The following KIRREL3 variants were observed in gnomAD, a reference collection of about 807,000 sequenced individuals.
The protein encoded by KIRREL3 is kin of IRRE-like protein 3.
Under a neutral mutation model 89.7 loss-of-function variants are expected in KIRREL3, and 36 were observed. The ratio of observed to expected loss-of-function variants is 0.40; its 90% CI spans 0.31 to 0.53. The LOEUF (loss-of-function observed/expected upper bound fraction) is 0.53. KIRREL3 is among the 20% of genes least tolerant of loss of function. The pLI, the probability that KIRREL3 is intolerant of heterozygous loss-of-function variation, is 0.49. For synonymous variants in KIRREL3, 445 were observed against 441.4 expected (o/e 1.01, Z -0.10); for missense variants, 864 against 1,056.6 (o/e 0.82, Z 2.53).
chr11:126,793,275 A>T (rs1950703377), intron 1 of KIRREL3, among the ~76,000 whole-genome samples: 1 of 152,190 alleles, frequency 6.6e-6, no homozygotes, highest in Non-Finnish European at 1.5e-5. Context: ...TGTTGTATTC[A>T]CTGGGGACCA....
intron 11 of KIRREL3, among the ~76,000 whole-genome samples, chr11:126,437,539 G>A (rs1955402112): frequency 6.6e-6 from 1 of 151,554 alleles, no homozygotes; most frequent in Admixed American, 6.6e-5. Flanking sequence ...ACACACCAAA[G>A]CACACAACAC....
At chr11:126,488,594 T>G (rs1345682100) in intron 4 of KIRREL3, among the ~76,000 whole-genome samples, 5 of 152,158 alleles carry the variant, frequency 3.3e-5, no homozygotes, top group African/African-American at 9.7e-5. Context: ...AATGCATTTG[T>G]GCAGTGGAAG....
At position 126,624,107 on chromosome 11, in the gene KIRREL3, A is replaced by G. The variant is rs1943684120; in HGVS notation, c.56-61195T>C. 6.6e-6 allele frequency among the ~76,000 whole-genome samples: 1 copy of G among 152,114 alleles called. No homozygotes were observed. Among genetic ancestry groups the G allele is most frequent in the African/African-American group, 2.4e-5 (1 of 41,406 alleles). On this transcript the variant is annotated intron_variant, in intron 1 of 16. Coordinates refer to ENST00000525144, the MANE Select transcript of KIRREL3 (RefSeq NM_032531.4). This position sits in a 1 kb window ranked among gnomAD's most constrained non-coding sequence, Gnocchi z 6.0. Reference sequence around the variant, plus strand: ...ATGGATGTTGATTTAGTGCTTTGAGATCCCTGGAAGACAGGTCAGGCAACT... The same window carrying G: ...ATGGATGTTGATTTAGTGCTTTGAGGTCCCTGGAAGACAGGTCAGGCAACT...
intron 1 of KIRREL3, among the ~76,000 whole-genome samples, chr11:126,941,564 A>G (rs1948447518): frequency 6.6e-6 from 1 of 152,236 alleles, no homozygotes. Context: ...GGCAGCCTAG[A>G]CAATGGGTAT....
intron 1 of KIRREL3, among the ~76,000 whole-genome samples, chr11:126,881,250 C>T (rs546783744): frequency 6.6e-6 from 1 of 152,294 alleles, no homozygotes; most frequent in African/African-American, 2.4e-5. Flanking sequence ...ATGCGACTCC[C>T]CCTCCCCCTC....
intron 2 of KIRREL3, among the ~76,000 whole-genome samples, chr11:126,536,520 CAA>C (rs1005319071): frequency 2.0e-5 from 3 of 151,734 alleles, no homozygotes; most frequent in African/African-American, 7.3e-5. Flanking sequence ...TGGACTAGTA[CAA>C]AGAGTGTGGG....
At position 126,615,599 on chromosome 11, in the gene KIRREL3, C is replaced by CT. The variant is rs1272245914; in HGVS notation, c.56-52688dup. Among the ~76,000 whole-genome samples the CT allele has an allele frequency of 6.6e-6, 1 of 152,084 alleles. No homozygotes were observed. Among genetic ancestry groups the CT allele is most frequent in the East Asian group, 1.9e-4 (1 of 5,164 alleles). ...GAAGATAGACAACCACTTGGGGGAC[C>CT]TAGTTGTGCCATGGCAATAAGTATG... On this transcript the variant is annotated intron_variant, in intron 1 of 16. Transcript: ENST00000525144. This position sits in a 1 kb window ranked among gnomAD's most constrained non-coding sequence, Gnocchi z 5.4.
chr11:126,522,720 T>C lies in KIRREL3; in HGVS notation c.284-1256A>G, dbSNP rs1253822130. ...TTTCTCTTTCCATCCATCTCCTCACTGAGGTCTGCCCTCCCCCGAGTCCCT... is the reference window on the plus strand; with the variant it reads ...TTTCTCTTTCCATCCATCTCCTCACCGAGGTCTGCCCTCCCCCGAGTCCCT... On this transcript the variant is annotated intron_variant, in intron 3 of 16. Transcript: ENST00000525144. The surrounding 1 kb of genome is among the most constrained non-coding windows in gnomAD (Gnocchi z 6.0). Among the ~76,000 whole-genome samples, 1 of 152,192 alleles carries C rather than the reference T, an allele frequency of 6.6e-6. No individual in the cohort carries two copies. The highest frequency in any genetic ancestry group is 1.5e-5 in the Non-Finnish European group (1 of 68,026).
chr11:126,678,983 T>A (rs1007958666), intron 1 of KIRREL3, among the ~76,000 whole-genome samples: 1 of 152,234 alleles, frequency 6.6e-6, no homozygotes, highest in African/African-American at 2.4e-5. Flanking sequence ...GAGCTGAGCA[T>A]TTGGCCAAGT....
chr11:126,568,315 A>T lies in KIRREL3; in HGVS notation c.56-5403T>A, dbSNP rs1410518900. On this transcript the variant is annotated intron_variant, in intron 1 of 16. Transcript: ENST00000525144. This position sits in a 1 kb window ranked among gnomAD's most constrained non-coding sequence, Gnocchi z 4.6. ...GATGGATGGGAGATGAGCTCAGAGA[A>T]GGGAGGCTGGCTGGGAGACCGCTGC... Among the ~76,000 whole-genome samples the T allele has an allele frequency of 6.7e-6, 1 of 150,212 alleles. No individual in the cohort carries two copies. Among genetic ancestry groups the T allele is most frequent in the Non-Finnish European group, 1.5e-5 (1 of 67,034 alleles).
At chr11:126,863,361 GTGTT>G (rs1197307669) in intron 1 of KIRREL3, among the ~76,000 whole-genome samples, 10 of 151,872 alleles carry the variant, frequency 6.6e-5, no homozygotes, top group African/African-American at 1.5e-4. Context: ...ATGTGAGTGT[GTGTT>G]TGAGTGCGTG....
chr11:126,429,727 C>T lies in KIRREL3; in HGVS notation c.1697-439G>A, dbSNP rs1955060389. On this transcript the variant is annotated intron_variant, in intron 14 of 16. Transcript: ENST00000525144. This position sits in a 1 kb window ranked among gnomAD's most constrained non-coding sequence, Gnocchi z 5.2. The stretch of plus-strand genomic sequence containing the variant: ...CCTCAAAGTGCCCATGGCCAACCCC[C>T]ATCCAAAGAGAAACGCCCCTGAGGC... 6.6e-6 allele frequency among the ~76,000 whole-genome samples: 1 copy of T among 152,246 alleles called. No individual in the cohort carries two copies. Among genetic ancestry groups the T allele is most frequent in the South Asian group, 2.1e-4 (1 of 4,832 alleles).
At position 126,495,388 on chromosome 11, in the gene KIRREL3, C is replaced by T. The variant is rs1321758885; in HGVS notation, c.434-21922G>A. The stretch of plus-strand genomic sequence containing the variant: ...CCCTCTCTGCGCCCTACCTCCAGCA[C>T]CCTCTGACCTCCCTGCCTGACCCCA... On this transcript the variant is annotated intron_variant, in intron 4 of 16. Transcript: ENST00000525144. This position sits in a 1 kb window ranked among gnomAD's most constrained non-coding sequence, Gnocchi z 6.5. Among the ~76,000 whole-genome samples the T allele has an allele frequency of 1.3e-5, 2 of 152,174 alleles. No homozygotes were observed. The highest frequency in any genetic ancestry group is 4.8e-5 in the African/African-American group (2 of 41,444).
intron 1 of KIRREL3, among the ~76,000 whole-genome samples, chr11:126,915,055 GAA>G (rs1241824531): frequency 1.3e-5 from 2 of 152,124 alleles, no homozygotes; most frequent in Non-Finnish European, 2.9e-5. Flanking sequence ...GGCTTTGGGA[GAA>G]GAGACTGTTA....
At position 126,694,078 on chromosome 11, in the gene KIRREL3, A is replaced by G. The variant is rs747688930; in HGVS notation, c.56-131166T>C. 1.7e-4 allele frequency among the ~76,000 whole-genome samples: 26 copies of G among 152,366 alleles called. No individual in the cohort carries two copies. Among genetic ancestry groups the G allele is most frequent in the Admixed American group, 3.9e-4 (6 of 15,312 alleles). On this transcript the variant is annotated intron_variant, in intron 1 of 16. Coordinates refer to ENST00000525144, the MANE Select transcript of KIRREL3 (RefSeq NM_032531.4). The surrounding 1 kb of genome is among the most constrained non-coding windows in gnomAD (Gnocchi z 4.4). ...CACAGTCACACTAGGACAACTTGGA[A>G]GTTGAATTGGCAAGTTGCAGCAGGA...
rs920149759 is a variant in KIRREL3, at chr11:126,772,331, C to A, written c.56-209419G>T. On this transcript the variant is annotated intron_variant, in intron 1 of 16. Transcript: ENST00000525144. This position sits in a 1 kb window ranked among gnomAD's most constrained non-coding sequence, Gnocchi z 4.6. ...ACTCTTAAATTCAAGGCAGCTAAGA[C>A]CGGTTCAGGGACAGAGAACAGCAAG... 3.3e-5 allele frequency among the ~76,000 whole-genome samples: 5 copies of A among 152,132 alleles called. 1 individual carries two copies. Among genetic ancestry groups the A allele is most frequent in the African/African-American group, 1.2e-4 (5 of 41,422 alleles).
chr11:126,676,224 C>T lies in KIRREL3; in HGVS notation c.56-113312G>A, dbSNP rs148321112. Among the ~76,000 whole-genome samples the T allele has an allele frequency of 1.5e-4, 23 of 152,178 alleles. No homozygotes were observed. Among genetic ancestry groups the T allele is most frequent in the East Asian group, 1.4e-3 (7 of 5,176 alleles). On this transcript the variant is annotated intron_variant, in intron 1 of 16. Transcript: ENST00000525144. The surrounding 1 kb of genome is among the most constrained non-coding windows in gnomAD (Gnocchi z 4.5). ...AGCATCAAGGTGCTAGTAACTATCA[C>T]GGGCAAAGATGAAATCAGCTAGGAA... is the stretch of plus-strand genomic sequence containing the variant.
intron 1 of KIRREL3, among the ~76,000 whole-genome samples, chr11:126,675,875 C>T (rs1178818603): frequency 6.6e-6 from 1 of 152,010 alleles, no homozygotes; most frequent in African/African-American, 2.4e-5. Flanking sequence ...CTTAGGAGGC[C>T]ACAGCAGTAA....
Position 126,687,068 on chromosome 11 carries a change from G to A in KIRREL3, c.56-124156C>T, listed in dbSNP as rs1167393310. On this transcript the variant is annotated intron_variant, in intron 1 of 16. Transcript: ENST00000525144. This position sits in a 1 kb window ranked among gnomAD's most constrained non-coding sequence, Gnocchi z 4.6. ...AGAGGTGAGGTTGCAAGTGTGGTTG[G>A]GGCCAAGACCACAACACGTGTTCAA... Among the ~76,000 whole-genome samples the A allele has an allele frequency of 6.6e-6, 1 of 152,076 alleles. No individual in the cohort carries two copies. The highest frequency in any genetic ancestry group is 1.5e-5 in the Non-Finnish European group (1 of 68,024).
Sources: gnomAD v4.1 joint callset for allele counts (sites outside exome capture counted in the v4.1 genomes callset) on GRCh38, gnomAD v4.1.1 for gene constraint, Gnocchi (gnomAD v3.1) non-coding constraint, MANE v1.5 for transcripts, NCBI Gene and HGNC (gene_info 2026-07-23, HGNC 2026-07-21) for gene names.